The following ARHGAP6 variants were observed in gnomAD, a reference collection of about 807,000 sequenced individuals.
The protein encoded by ARHGAP6 is Rho GTPase activating protein 6.
A neutral mutation model predicts 55.7 loss-of-function variants in ARHGAP6; 16 were observed. That is an observed-to-expected ratio of 0.29 (90% confidence interval 0.19 to 0.44). The LOEUF (loss-of-function observed/expected upper bound fraction) is 0.44. Among genes scored for constraint, ARHGAP6 ranks in the 20% least tolerant of loss-of-function variants. The probability of loss-of-function intolerance (pLI) is 1.00; values close to 1 mark genes in which losing one functional copy is unlikely to be tolerated. For synonymous variants in ARHGAP6, 382 were observed against 360.9 expected (o/e 1.06, Z -0.66); for missense variants, 698 against 808.9 (o/e 0.86, Z 1.66).
chrX:11,498,763 T>C (rs1344731882), intron 1 of ARHGAP6, among the ~76,000 whole-genome samples: 1 of 111,969 alleles, frequency 8.9e-6, no homozygotes, highest in Non-Finnish European at 1.9e-5. Context: ...AATAAAATAA[T>C]GTCCCAATTC....
At chrX:11,454,110 A>ATTTTTTTTTTTTTTTT (rs1187605203) in intron 1 of ARHGAP6, among the ~76,000 whole-genome samples, 2 of 76,856 alleles carry the variant, frequency 2.6e-5, no homozygotes, top group Non-Finnish European at 4.8e-5. Context: ...CGCACGGCTA[A>ATTTTTTTTTTTTTTTT]TTTTTTTTTT....
intron 1 of ARHGAP6, among the ~76,000 whole-genome samples, chrX:11,606,329 G>T (rs1164058773): frequency 9.0e-6 from 1 of 111,554 alleles, no homozygotes; most frequent in Admixed American, 9.5e-5. Context: ...TCCTTGTAAT[G>T]GTTCTCCAAG....
At chrX:11,556,864 T>G (rs1369456448) in intron 1 of ARHGAP6, among the ~76,000 whole-genome samples, 2 of 111,951 alleles carry the variant, frequency 1.8e-5, no homozygotes, top group Admixed American at 1.9e-4. Context: ...TACTAGGTTC[T>G]GAAATTTCCA....
rs191603598 is a variant in ARHGAP6 at position 11,162,389 on chromosome X, T to C, written c.1810-5763A>G. Among the ~76,000 whole-genome samples the C allele has an allele frequency of 5.9e-5, 6 of 101,542 alleles. No homozygotes were observed. In the Admixed American group the frequency reaches 6.4e-4, roughly 11 times the overall value. 88.2% of individuals were successfully genotyped at this position (101,542 alleles called of 115,157 possible). On this transcript the variant is annotated intron_variant, in intron 9 of 12. Transcript: ENST00000337414. ...ATAAATGCTGATGTCGAAAGCCATT[T>C]GCAGTTGATTATTGTTCTCCTTGCC...
chrX:11,244,783 C>T (rs1268549469), intron 2 of ARHGAP6, among the ~76,000 whole-genome samples: 1 of 111,924 alleles, frequency 8.9e-6, no homozygotes, highest in Non-Finnish European at 1.9e-5. Context: ...GGTCAAGATG[C>T]CAAAGTCTTG....
intron 1 of ARHGAP6, among the ~76,000 whole-genome samples, chrX:11,461,348 T>C (rs1439712810): frequency 8.9e-6 from 1 of 111,781 alleles, no homozygotes; most frequent in Non-Finnish European, 1.9e-5. Context: ...ACAAGAGTTA[T>C]AGAAGAAATC....
chrX:11,500,812 A>T (rs2050670955), intron 1 of ARHGAP6, among the ~76,000 whole-genome samples: 2 of 110,984 alleles, frequency 1.8e-5, no homozygotes, highest in Non-Finnish European at 3.8e-5. Flanking sequence ...TCAGCATTTA[A>T]CCATAATGAC....
intron 2 of ARHGAP6, among the ~76,000 whole-genome samples, chrX:11,199,939 G>A (rs2046596316): frequency 8.9e-6 from 1 of 112,291 alleles, no homozygotes; most frequent in Non-Finnish European, 1.9e-5. Context: ...CTTCTCCTTT[G>A]TGATTAATCT....
intron 1 of ARHGAP6, among the ~76,000 whole-genome samples, chrX:11,657,783 G>A (rs1348007370): frequency 1.8e-5 from 2 of 111,306 alleles, no homozygotes; most frequent in Non-Finnish European, 3.8e-5. Flanking sequence ...CAGAACTGTA[G>A]GGTTGGCCAA....
chrX:11,644,465 T>C (rs1379698990), intron 1 of ARHGAP6, among the ~76,000 whole-genome samples: 1 of 110,987 alleles, frequency 9.0e-6, no homozygotes, highest in Admixed American at 9.6e-5. Flanking sequence ...TAGAGAAATC[T>C]AGGAAGAATT....
chrX:11,351,429 C>A (rs1212718489), intron 1 of ARHGAP6: 1 of 967,446 alleles, frequency 1.0e-6, no homozygotes, highest in African/African-American at 2.0e-5. Context: ...TGAGCCAGGC[C>A]AGGAACAGGG....
intron 1 of ARHGAP6, among the ~76,000 whole-genome samples, chrX:11,643,818 T>C (rs2052500113): frequency 9.0e-6 from 1 of 111,154 alleles, no homozygotes; most frequent in Non-Finnish European, 1.9e-5. Context: ...CTCTTACAAC[T>C]CTGCTTCCAC....
At chrX:11,238,970 G>A (rs1232008369) in intron 2 of ARHGAP6, among the ~76,000 whole-genome samples, 5 of 112,161 alleles carry the variant, frequency 4.5e-5, no homozygotes, top group African/African-American at 1.6e-4. Context: ...AAGATGCCCA[G>A]TTAAATGCAA....
In ARHGAP6 at chrX:11,621,838, C is replaced by T. The variant is rs953158543; in HGVS notation, c.588+42403G>A. 9.0e-5 allele frequency among the ~76,000 whole-genome samples: 10 copies of T among 111,421 alleles called. No individual in the cohort carries two copies. In the Admixed American group the frequency reaches 9.5e-4, roughly 11 times the overall value. On this transcript the variant is annotated intron_variant, in intron 1 of 12. Coordinates refer to ENST00000337414, the MANE Select transcript of ARHGAP6 (RefSeq NM_013427.3). ...GAAACATAAATACAAATAAGTCCTA[C>T]ACCTAGACACATTTTAGTCAAACTG... is the stretch of plus-strand genomic sequence containing the variant.
intron 1 of ARHGAP6, among the ~76,000 whole-genome samples, chrX:11,332,237 A>G (rs1340685472): frequency 1.8e-5 from 2 of 112,042 alleles, no homozygotes; most frequent in Non-Finnish European, 3.8e-5. Flanking sequence ...GAATAATCAA[A>G]TTATTCAATC....
intron 1 of ARHGAP6, among the ~76,000 whole-genome samples, chrX:11,534,821 A>G (rs761916251): frequency 8.9e-6 from 1 of 111,831 alleles, no homozygotes; most frequent in South Asian, 3.8e-4. Context: ...TATCAATGAT[A>G]TAGTTTACAT....
chrX:11,197,871 G>T (rs1484890226), intron 2 of ARHGAP6, among the ~76,000 whole-genome samples: 1 of 111,716 alleles, frequency 9.0e-6, no homozygotes, highest in East Asian at 2.8e-4. Flanking sequence ...TGCGTTTTGA[G>T]GTTATGCAGC....
intron 2 of ARHGAP6, among the ~76,000 whole-genome samples, chrX:11,199,079 C>T (rs940151522): frequency 2.7e-5 from 3 of 112,364 alleles, no homozygotes; most frequent in Non-Finnish European, 3.8e-5. Context: ...TTCACCAACA[C>T]TTCATGAGAT....
chrX:11,307,403 G>A (rs554911711), intron 1 of ARHGAP6, among the ~76,000 whole-genome samples: 2 of 112,123 alleles, frequency 1.8e-5, no homozygotes, highest in South Asian at 7.5e-4. Context: ...TACCCCAATA[G>A]CTTCCTGCAC....
Sources: allele counts gnomAD v4.1 joint callset (sites outside exome capture counted in the v4.1 genomes callset), GRCh38; gene constraint gnomAD v4.1.1; transcripts MANE v1.5; gene names NCBI Gene and HGNC (gene_info 2026-07-23, HGNC 2026-07-21).